Variants in SORCS3 observed in about 807,000 individuals in gnomAD.
SORCS3 encodes the protein VPS10 domain-containing receptor SorCS3.
SORCS3 carries 57 observed loss-of-function variants against 146.3 expected under a neutral mutation model. The ratio of observed to expected loss-of-function variants is 0.39; its 90% CI spans 0.31 to 0.49. SORCS3 has a LOEUF of 0.49. Among genes scored for constraint, SORCS3 ranks in the 20% least tolerant of loss-of-function variants. SORCS3 has a pLI of 0.92. For synonymous variants in SORCS3, 653 were observed against 618.5 expected (o/e 1.06, Z -0.83); for missense variants, 1,341 against 1,575.5 (o/e 0.85, Z 2.52).
intron 2 of SORCS3, among the ~76,000 whole-genome samples, chr10:104,853,895 G>A (rs899893276): frequency 3.3e-5 from 5 of 152,144 alleles, no homozygotes. Flanking sequence ...GAATGTTCCA[G>A]GAGCTTTAAC....
intron 1 of SORCS3, among the ~76,000 whole-genome samples, chr10:104,829,469 G>A (rs930876786): frequency 1.3e-5 from 2 of 152,178 alleles, no homozygotes; most frequent in African/African-American, 4.8e-5. Flanking sequence ...AAAGGTACGG[G>A]AAAGTTGAAT....
chr10:105,103,165 T>A (rs752934023), intron 6 of SORCS3, among the ~76,000 whole-genome samples: 1 of 152,142 alleles, frequency 6.6e-6, no homozygotes, highest in Non-Finnish European at 1.5e-5. Flanking sequence ...GGAGGAGCAG[T>A]TCCCCCTTAA....
intron 3 of SORCS3, among the ~76,000 whole-genome samples, chr10:104,953,966 A>G (rs993364434): frequency 6.6e-6 from 1 of 152,166 alleles, no homozygotes; most frequent in Non-Finnish European, 1.5e-5. Flanking sequence ...GTAAATTCCC[A>G]GTGTGTGCTA....
At chr10:105,137,316 CA>C (rs1360219655) in intron 7 of SORCS3, among the ~76,000 whole-genome samples, 5 of 151,934 alleles carry the variant, frequency 3.3e-5, no homozygotes, top group African/African-American at 1.2e-4. Flanking sequence ...GATAGGTGAC[CA>C]GATGATATAT....
At position 105,158,547 on chromosome 10, in the gene SORCS3, G is replaced by A. The variant is rs115742389; in HGVS notation, c.1630-345G>A. Among the ~76,000 whole-genome samples the A allele has an allele frequency of 2.8e-3, 427 of 152,224 alleles. 1 individual carries two copies. The highest frequency in any genetic ancestry group is 9.6e-3 in the African/African-American group (399 of 41,534). On this transcript the variant is annotated intron_variant, in intron 10 of 26. Coordinates refer to ENST00000369701, the MANE Select transcript of SORCS3 (RefSeq NM_014978.3). Reference sequence around the variant, plus strand: ...AATTGATGGTCAAGATCAGAAATGCGAGAATGTTAGTGTCATCCTGGTAGA... The same window carrying A: ...AATTGATGGTCAAGATCAGAAATGCAAGAATGTTAGTGTCATCCTGGTAGA...
intron 3 of SORCS3, among the ~76,000 whole-genome samples, chr10:104,945,262 TG>T (rs1360173285): frequency 2.1e-5 from 3 of 143,750 alleles, no homozygotes; most frequent in Non-Finnish European, 4.7e-5. Flanking sequence ...TGTTTTGTTT[TG>T]TTTTTGTTTT....
At chr10:104,942,754 C>T (rs1194292770) in intron 3 of SORCS3, among the ~76,000 whole-genome samples, 1 of 152,174 alleles carries the variant, frequency 6.6e-6, no homozygotes, top group African/African-American at 2.4e-5. Flanking sequence ...ATGATAATAA[C>T]TCTTATCCAA....
intron 1 of SORCS3, among the ~76,000 whole-genome samples, chr10:104,668,266 G>A (rs1010803203): frequency 1.3e-5 from 2 of 152,164 alleles, no homozygotes; most frequent in African/African-American, 4.8e-5. Flanking sequence ...TGACTTCTAA[G>A]GGGGCCCTTC....
chr10:105,242,447 TA>T (rs1475940329), intron 20 of SORCS3, among the ~76,000 whole-genome samples: 15 of 95,050 alleles, frequency 1.6e-4, no homozygotes, highest in East Asian at 1.2e-3. Flanking sequence ...TATTTATATA[TA>T]TTTATATATA....
At chr10:104,754,451 A>G (rs140153426) in intron 1 of SORCS3, among the ~76,000 whole-genome samples, 2 of 152,310 alleles carry the variant, frequency 1.3e-5, no homozygotes, top group East Asian at 3.9e-4. Context: ...TGTAACCTTT[A>G]GAGGGCAACA....
intron 1 of SORCS3, among the ~76,000 whole-genome samples, chr10:104,661,540 T>C (rs911639645): frequency 2.6e-5 from 4 of 152,170 alleles, no homozygotes; most frequent in Non-Finnish European, 5.9e-5. Flanking sequence ...CATTGTGACT[T>C]AGTTTTGGCT....
Position 105,134,165 on chromosome 10 carries a change from A to G in SORCS3, c.1213-5232A>G, listed in dbSNP as rs576119969. 4.6e-5 allele frequency among the ~76,000 whole-genome samples: 7 copies of G among 152,358 alleles called. No homozygotes were observed. In the East Asian group the frequency reaches 1.3e-3, roughly 29 times the overall value. On this transcript the variant is annotated intron_variant, in intron 7 of 26. Coordinates refer to ENST00000369701, the MANE Select transcript of SORCS3 (RefSeq NM_014978.3). ...TCTTCTTAGTCACAGAAGGAGGAGC[A>G]CAGGCTTAGAGCCAAACTTTCTGAG...
intron 1 of SORCS3, among the ~76,000 whole-genome samples, chr10:104,823,488 G>T (rs1178096829): frequency 6.6e-6 from 1 of 151,756 alleles, no homozygotes; most frequent in Non-Finnish European, 1.5e-5. Context: ...CTTTCCCACT[G>T]CCATTGCCTC....
At chr10:105,259,565 A>G (rs192542440) in intron 25 of SORCS3, among the ~76,000 whole-genome samples, 1 of 152,290 alleles carries the variant, frequency 6.6e-6, no homozygotes, top group East Asian at 1.9e-4. Context: ...TTGCTCTTGG[A>G]TAGTGACTGC....
chr10:104,943,267 G>T (rs1309040476), intron 3 of SORCS3, among the ~76,000 whole-genome samples: 1 of 152,000 alleles, frequency 6.6e-6, no homozygotes, highest in Non-Finnish European at 1.5e-5. Flanking sequence ...GTAGCTGGGA[G>T]TACAGGTGCA....
At chr10:104,751,522 C>T (rs2016983160) in intron 1 of SORCS3, among the ~76,000 whole-genome samples, 1 of 152,106 alleles carries the variant, frequency 6.6e-6, no homozygotes, top group African/African-American at 2.4e-5. Flanking sequence ...GTTAAGTAGA[C>T]ACTGGAGAGT....
chr10:105,138,383 A>G (rs1452703167), intron 7 of SORCS3, among the ~76,000 whole-genome samples: 20 of 152,292 alleles, frequency 1.3e-4, no homozygotes, highest in Middle Eastern at 3.4e-3. Context: ...TGCTCCCAGT[A>G]GGGCCTGTGG....
intron 4 of SORCS3, among the ~76,000 whole-genome samples, chr10:104,980,547 A>C (rs1477604232): frequency 6.6e-6 from 1 of 152,226 alleles, no homozygotes. Context: ...TCTGATGTGC[A>C]TGCATGAAGG....
intron 1 of SORCS3, among the ~76,000 whole-genome samples, chr10:104,660,504 G>T (rs2015687190): frequency 1.3e-5 from 2 of 152,196 alleles, no homozygotes; most frequent in East Asian, 3.8e-4. Flanking sequence ...TAAAATAAGA[G>T]CAAGGGATGC....
Sources: allele counts gnomAD v4.1 joint callset (sites outside exome capture counted in the v4.1 genomes callset), GRCh38; gene constraint gnomAD v4.1.1; transcripts MANE v1.5; gene names NCBI Gene and HGNC (gene_info 2026-07-23, HGNC 2026-07-21).